The following FBRSL1 variants were observed in gnomAD, a reference collection of about 807,000 sequenced individuals.
The protein encoded by FBRSL1 is fibrosin-1-like protein.
A neutral mutation model predicts 89.6 loss-of-function variants in FBRSL1; 51 were observed. The ratio of observed to expected loss-of-function variants is 0.57; its 90% CI spans 0.45 to 0.72. FBRSL1 has a LOEUF of 0.72. Among genes scored for constraint, FBRSL1 ranks in the 30% least tolerant of loss-of-function variants. FBRSL1 has a pLI of 0.00. For missense variants in FBRSL1, 1,618 were observed against 1,451.8 expected (o/e 1.11, Z -1.86); for synonymous variants, 779 against 681.1 (o/e 1.14, Z -2.24).
At chr12:132,500,888 T>TTGC (rs1294245969) in intron 1 of FBRSL1, among the ~76,000 whole-genome samples, 1 of 152,194 alleles carries the variant, frequency 6.6e-6, no homozygotes, top group African/African-American at 2.4e-5. Context: ...CCTGCCCCAG[T>TTGC]TGCTGCTGCT....
At chr12:132,537,825 T>C (rs562776468) in intron 4 of FBRSL1, among the ~76,000 whole-genome samples, 3 of 152,168 alleles carry the variant, frequency 2.0e-5, no homozygotes, top group Non-Finnish European at 4.4e-5. Context: ...CATGGATCCT[T>C]GGGAACAGGA....
At chr12:132,504,246 G>GA (rs398021703) in intron 1 of FBRSL1, among the ~76,000 whole-genome samples, 3 of 151,716 alleles carry the variant, frequency 2.0e-5, no homozygotes, top group African/African-American at 7.3e-5. Context: ...CCAAAGAGGG[G>GA]CAGCAGGGCT....
In FBRSL1 at chr12:132,567,489, G is replaced by C; in HGVS notation, c.654G>C (p.Val218=). The change falls in exon 6 of 19, where the codon GTG becomes GTC. Residue 218 remains valine, a synonymous_variant. Transcript: ENST00000680143. ...CCCTTCTCTCTCTCCAGGCATCCGT[G>C]GGCTCTGAGAAGCTCTTTGCGCCGG... The part of the protein sequence containing the change: ...SESGPDDKAS[V]GSEKLFAPGT... 2.6e-6 allele frequency: 4 copies of C among 1,551,166 alleles called. No individual in the cohort carries two copies. Among genetic ancestry groups the C allele is most frequent in the Non-Finnish European group, 3.5e-6 (4 of 1,146,914 alleles).
intron 5 of FBRSL1, among the ~76,000 whole-genome samples, chr12:132,564,121 A>AT (rs1026899040): frequency 6.6e-6 from 1 of 152,108 alleles, no homozygotes; most frequent in Non-Finnish European, 1.5e-5. Flanking sequence ...CAGCAATTCC[A>AT]TATGTGGCTG....
rs1399008489 is a variant in FBRSL1, at chr12:132,572,308, G to A, written c.1398G>A (p.Lys466=). The A allele has an allele frequency of 1.3e-6, 2 of 1,551,154 alleles. No individual in the cohort carries two copies. The highest frequency in any genetic ancestry group is 1.7e-6 in the Non-Finnish European group (2 of 1,146,758). ...TCCAGTTTGACAAGTATGCGCCCAA[G>A]CTGGACAGCCCCTACTTCCGACATT... is the stretch of plus-strand genomic sequence containing the variant. The part of the protein sequence containing the change: ...RECQFDKYAP[K]LDSPYFRHSS... The change falls in exon 10 of 19, where the codon AAG becomes AAA. Residue 466 remains lysine (K), a synonymous_variant. Transcript: ENST00000680143.
chr12:132,573,982 A>T, intron 11 of FBRSL1, 108 bp from the exon 12 acceptor site: 1 of 687,960 alleles, frequency 1.5e-6, no homozygotes, highest in Non-Finnish European at 1.9e-6. Context: ...GCGGGGCCCC[A>T]CGGCAAGGCA....
chr12:132,529,169 T>G (rs1168945333), intron 4 of FBRSL1, among the ~76,000 whole-genome samples: 1 of 152,202 alleles, frequency 6.6e-6, no homozygotes, highest in African/African-American at 2.4e-5. Context: ...CCCCGAAATT[T>G]CCAGGCCGTA....
In FBRSL1 at chr12:132,527,936, CCT is replaced by C. The variant is rs1411009424; in HGVS notation, c.580-14_580-13del. 1.9e-6 allele frequency: 3 copies of C among 1,551,064 alleles called. No homozygotes were observed. Among genetic ancestry groups the C allele is most frequent in the Admixed American group, 2.0e-5 (1 of 50,986 alleles). On this transcript the variant is annotated splice_polypyrimidine_tract_variant and intron_variant, in intron 3 of 18. Transcript: ENST00000680143. Reference sequence around the variant, plus strand: ...CGAGTGGCAGCCTCACTGACTGTCCCCTCTTCCTTCCTGCAGAGCTCTGCGCA... The same window carrying C: ...CGAGTGGCAGCCTCACTGACTGTCCCCTTCCTTCCTGCAGAGCTCTGCGCA...
At chr12:132,535,807 ACG>A (rs1249692894) in intron 4 of FBRSL1, among the ~76,000 whole-genome samples, 7 of 133,310 alleles carry the variant, frequency 5.3e-5, no homozygotes, top group African/African-American at 8.8e-5. Flanking sequence ...GCGTGAGTGC[ACG>A]TGTGTCCATG....
chr12:132,534,349 C>A (rs949551639), intron 4 of FBRSL1, among the ~76,000 whole-genome samples: 1 of 152,268 alleles, frequency 6.6e-6, no homozygotes, highest in African/African-American at 2.4e-5. Flanking sequence ...TCATCTGACT[C>A]CTCCACCTGT....
rs767758496 is a variant in FBRSL1, at chr12:132,570,037, C to T, written c.803C>T (p.Ala268Val). ...AGCTTCCTGCCCACTGCCAGCCCCG[C>T]GCCCCATGCCGCGCCCTGCCCGGGG... The part of the protein sequence containing the change: ...AESFLPTASP[A>V]PHAAPCPGPP... The change falls in exon 7 of 19, where the codon GCG becomes GTG. Residue 268 changes from alanine to valine, a missense_variant. By Grantham distance (64) the Ala-to-Val change is moderately conservative. Coordinates refer to ENST00000680143, the MANE Select transcript of FBRSL1 (RefSeq NM_001367871.1). The T allele has an allele frequency of 6.9e-5, 104 of 1,510,528 alleles. No individual in the cohort carries two copies. The African/African-American group carries it at 9.1e-4, about 13-fold the overall frequency. The allele number at this position is 1,510,528 out of a possible 1,614,324, so 93.6% of individuals were successfully genotyped here. A position where few individuals can be genotyped will look rare whatever the true frequency, so the allele number is the denominator to read the frequency against.
intron 5 of FBRSL1, chr12:132,565,467 G>T (rs2039531793): frequency 6.6e-6 from 1 of 152,246 alleles, no homozygotes; most frequent in South Asian, 2.1e-4. Context: ...CCCTGTACGT[G>T]AACCCGAGTG....
At chr12:132,514,470 G>A (rs2034651362) in intron 2 of FBRSL1, among the ~76,000 whole-genome samples, 1 of 152,348 alleles carries the variant, frequency 6.6e-6, no homozygotes, top group South Asian at 2.1e-4. Flanking sequence ...ATCCTCCTCC[G>A]GCCAGAAGCT....
At chr12:132,501,946 T>C (rs961409276) in intron 1 of FBRSL1, among the ~76,000 whole-genome samples, 1 of 152,224 alleles carries the variant, frequency 6.6e-6, no homozygotes, top group Non-Finnish European at 1.5e-5. Context: ...CTGGCTTCTT[T>C]CTGTTGTCTT....
chr12:132,536,921 A>G (rs778510092), intron 4 of FBRSL1, among the ~76,000 whole-genome samples: 23 of 152,206 alleles, frequency 1.5e-4, no homozygotes, highest in Non-Finnish European at 2.8e-4. Context: ...CTTTGCATGC[A>G]TGTATATGTG....
In FBRSL1 at chr12:132,509,040, C is replaced by A. The variant is rs1271320008; in HGVS notation, c.489+690C>A. On this transcript the variant is annotated intron_variant, in intron 2 of 18. Coordinates refer to ENST00000680143, the MANE Select transcript of FBRSL1 (RefSeq NM_001367871.1). ...GGGGCTCTGCGCGGTGTCCTCGGCTCTCCTCGGCCCCCTTGGGAATTGGGC... is the reference window on the plus strand; with the variant it reads ...GGGGCTCTGCGCGGTGTCCTCGGCTATCCTCGGCCCCCTTGGGAATTGGGC... 8 of 1,215,760 alleles carry A rather than the reference C, an allele frequency of 6.6e-6. No individual in the cohort carries two copies. The African/African-American group carries it at 1.1e-4, about 17-fold the overall frequency. 75.3% of individuals were successfully genotyped at this position (1,215,760 alleles called of 1,614,324 possible).
rs951639086 is a variant in FBRSL1, at chr12:132,564,820, G to A, written c.646-2661G>A. ...AATTTTTTGTATTTTTAGTAGAGAC[G>A]GGGTTTCACCGTGTTGGCCAGGATG... is the stretch of plus-strand genomic sequence containing the variant. On this transcript the variant is annotated intron_variant, in intron 5 of 18. Transcript: ENST00000680143. Among the ~76,000 whole-genome samples the A allele has an allele frequency of 2.0e-4, 30 of 149,912 alleles. 2 individuals carry two copies. Among genetic ancestry groups the A allele is most frequent in the Non-Finnish European group, 4.0e-4 (27 of 67,532 alleles).
intron 2 of FBRSL1, among the ~76,000 whole-genome samples, chr12:132,512,643 G>T (rs1253626491): frequency 6.6e-6 from 1 of 152,254 alleles, no homozygotes; most frequent in Non-Finnish European, 1.5e-5. Flanking sequence ...CCGGGCTCCT[G>T]TGAGTACAGA....
intron 5 of FBRSL1, among the ~76,000 whole-genome samples, chr12:132,557,618 T>C (rs548364568): frequency 3.9e-5 from 6 of 152,338 alleles, no homozygotes; most frequent in African/African-American, 1.4e-4. Context: ...AAGCCTCGTT[T>C]GTGGCAGGAA....
Sources: allele counts gnomAD v4.1 joint callset (sites outside exome capture counted in the v4.1 genomes callset), GRCh38; gene constraint gnomAD v4.1.1; transcripts MANE v1.5; gene names NCBI Gene and HGNC (gene_info 2026-07-23, HGNC 2026-07-21).